Variants in BNC2 observed in about 807,000 individuals in gnomAD.
The protein encoded by BNC2 is zinc finger protein basonuclin-2.
Under a neutral mutation model 76.3 loss-of-function variants are expected in BNC2, and 20 were observed. That is an observed-to-expected ratio of 0.26 (90% confidence interval 0.18 to 0.38). BNC2 has a LOEUF of 0.38. Ranked by LOEUF, BNC2 falls within the 10% of genes least tolerant of loss-of-function variation. BNC2 has a pLI of 1.00. For synonymous variants in BNC2, 582 were observed against 514.8 expected (o/e 1.13, Z -1.77); for missense variants, 1,382 against 1,399.8 (o/e 0.99, Z 0.20).
chr9:16,784,477 T>C (rs1305657199), intron 1 of BNC2, among the ~76,000 whole-genome samples: 1 of 152,176 alleles, frequency 6.6e-6, no homozygotes, highest in Non-Finnish European at 1.5e-5. Flanking sequence ...TAAGAGGTAT[T>C]CCTGGGAAAC....
At chr9:16,636,357 C>A (rs537487066) in intron 3 of BNC2, among the ~76,000 whole-genome samples, 1 of 152,104 alleles carries the variant, frequency 6.6e-6, no homozygotes, top group Admixed American at 6.5e-5. Flanking sequence ...AACTGGAGTG[C>A]AGTGGCACAA....
At chr9:16,870,515 C>T (rs1012931830) in intron 1 of BNC2, 131 bp downstream of exon 1, 3 of 982,118 alleles carry the variant, frequency 3.1e-6, no homozygotes, top group Non-Finnish European at 4.4e-6. Flanking sequence ...CCCTCCTCAG[C>T]GCCCCTTGCC....
chr9:16,842,336 C>T (rs1023837692), intron 1 of BNC2, among the ~76,000 whole-genome samples: 1 of 152,074 alleles, frequency 6.6e-6, no homozygotes. Context: ...GAAAAAGAAA[C>T]GAATGGGTGT....
chr9:16,663,087 T>A (rs893836808), intron 3 of BNC2, among the ~76,000 whole-genome samples: 2 of 150,442 alleles, frequency 1.3e-5, no homozygotes, highest in East Asian at 3.9e-4. Flanking sequence ...CCCTACTCGC[T>A]CGCTCAATTC....
intron 3 of BNC2, among the ~76,000 whole-genome samples, chr9:16,663,073 C>T (rs1822156760): frequency 1.3e-5 from 2 of 151,350 alleles, no homozygotes; most frequent in African/African-American, 4.8e-5. Context: ...ATCCCTAACA[C>T]CTCCCCTACT....
chr9:16,421,445 A>C (rs2119108725), intron 6 of BNC2: 2 of 400,878 alleles, frequency 5.0e-6, no homozygotes, highest in Non-Finnish European at 9.2e-6. Flanking sequence ...CTGATCACAA[A>C]ATTATTTTCT....
intron 1 of BNC2, among the ~76,000 whole-genome samples, chr9:16,801,971 G>A (rs1419678797): frequency 1.3e-5 from 2 of 151,964 alleles, no homozygotes; most frequent in African/African-American, 2.4e-5. Flanking sequence ...GTATACAGGA[G>A]ACATGCAATG....
At chr9:16,595,045 G>C (rs1290466462) in intron 3 of BNC2, among the ~76,000 whole-genome samples, 1 of 152,086 alleles carries the variant, frequency 6.6e-6, no homozygotes, top group Admixed American at 6.6e-5. Flanking sequence ...CTGCCAAAAA[G>C]TGGTACACTT....
At chr9:16,625,736 C>T (rs1337895946) in intron 3 of BNC2, 2 of 152,408 alleles carry the variant, frequency 1.3e-5, no homozygotes, top group Non-Finnish European at 2.9e-5. Context: ...CCTCTCCACC[C>T]TCCCTATCCC....
chr9:16,744,038 C>T (rs1254765397), intron 1 of BNC2, among the ~76,000 whole-genome samples: 7 of 152,210 alleles, frequency 4.6e-5, no homozygotes, highest in Admixed American at 4.6e-4. Context: ...GCGATCTCTG[C>T]TCACTGCAAG....
intron 3 of BNC2, among the ~76,000 whole-genome samples, chr9:16,672,923 G>A (rs984628285): frequency 1.3e-5 from 2 of 152,162 alleles, no homozygotes; most frequent in African/African-American, 4.8e-5. Context: ...GGAGTCAAAG[G>A]AATAGAGACA....
At chr9:16,699,648 A>T (rs1823449646) in intron 3 of BNC2, among the ~76,000 whole-genome samples, 2 of 152,222 alleles carry the variant, frequency 1.3e-5, no homozygotes, top group South Asian at 4.1e-4. Flanking sequence ...CAGAAGAAGA[A>T]ATTGGTCTAA....
At chr9:16,628,686 A>G (rs1180275954) in intron 3 of BNC2, among the ~76,000 whole-genome samples, 1 of 152,108 alleles carries the variant, frequency 6.6e-6, no homozygotes, top group African/African-American at 2.4e-5. Flanking sequence ...AAAAAGTTCT[A>G]TGATTTTAAA....
rs1372259217 is a variant in BNC2 at position 16,436,994 on chromosome 9, G to A, written c.1200C>T (p.Ala400=). The change falls in exon 6 of 7, where the codon GCC becomes GCT. Residue 400 remains alanine (A), a synonymous_variant. Transcript: ENST00000380672. ...CAGAATTCTGAATGGGAGAGACACA[G>A]GCTGGCTCGGTTTTGGGCTCCACAT... The part of the protein sequence containing the change: ...ITNVEPKTEP[A]CVSPIQNSAP... 3 of 1,614,148 alleles carry A rather than the reference G, an allele frequency of 1.9e-6. No homozygotes were observed. Among genetic ancestry groups the A allele is most frequent in the Non-Finnish European group, 8.5e-7 (1 of 1,180,036 alleles).
intron 1 of BNC2, among the ~76,000 whole-genome samples, chr9:16,772,341 T>C (rs1459347511): frequency 6.6e-6 from 1 of 152,220 alleles, no homozygotes; most frequent in Non-Finnish European, 1.5e-5. Flanking sequence ...ATGAGTGTTT[T>C]TTTTTAATAT....
At position 16,677,633 on chromosome 9, in the gene BNC2, T is replaced by C. The variant is rs1022484965; in HGVS notation, c.330+50164A>G. ...GTAGCAATATCCTGACTACTGGTCA[T>C]TCTATTCAACTTCAAACACGTCTCA... On this transcript the variant is annotated intron_variant, in intron 3 of 6. Transcript: ENST00000380672. 9.6e-4 allele frequency among the ~76,000 whole-genome samples: 135 copies of C among 141,346 alleles called. 1 individual carries two copies. The highest frequency in any genetic ancestry group is 3.7e-3 in the African/African-American group (133 of 36,152). The allele number at this position is 141,346 out of a possible 152,430, so 92.7% of individuals were successfully genotyped here. A position where few individuals can be genotyped will look rare whatever the true frequency, so the allele number is the denominator to read the frequency against.
At chr9:16,590,335 G>A (rs933178739) in intron 3 of BNC2, among the ~76,000 whole-genome samples, 1 of 151,968 alleles carries the variant, frequency 6.6e-6, no homozygotes, top group Non-Finnish European at 1.5e-5. Context: ...TGGGATTTCA[G>A]GCGCCCACCA....
intron 5 of BNC2, among the ~76,000 whole-genome samples, chr9:16,507,993 T>C (rs1047596493): frequency 6.6e-6 from 1 of 152,186 alleles, no homozygotes; most frequent in Non-Finnish European, 1.5e-5. Context: ...TTTTAGTCAT[T>C]GAGTATTGAT....
intron 3 of BNC2, among the ~76,000 whole-genome samples, chr9:16,700,104 G>A (rs1823464767): frequency 6.6e-6 from 1 of 152,080 alleles, no homozygotes; most frequent in Non-Finnish European, 1.5e-5. Context: ...GTGATATACA[G>A]CACCCAAACT....
Sources: allele counts gnomAD v4.1 joint callset (sites outside exome capture counted in the v4.1 genomes callset), GRCh38; gene constraint gnomAD v4.1.1; transcripts MANE v1.5; gene names NCBI Gene and HGNC (gene_info 2026-07-23, HGNC 2026-07-21).